The following TSGA10 variants were observed in gnomAD, a reference collection of about 807,000 sequenced individuals.
TSGA10 encodes testis specific 10, also known as testis-specific gene 10 protein.
TSGA10 carries 43 observed loss-of-function variants against 96.6 expected under a neutral mutation model. The ratio of observed to expected loss-of-function variants is 0.44; its 90% CI spans 0.35 to 0.57. TSGA10 has a LOEUF of 0.57. TSGA10 is among the 20% of genes least tolerant of loss of function. TSGA10 has a pLI of 0.01. For synonymous variants in TSGA10, 229 were observed against 269.9 expected (o/e 0.85, Z 1.48); for missense variants, 703 against 834.4 (o/e 0.84, Z 1.94).
rs183344987 is a variant in TSGA10 at position 99,065,036 on chromosome 2, G to C, written c.1307C>G (p.Ala436Gly). Residue 436 changes from alanine to glycine, a missense_variant, in exon 16 of 21, where the codon GCA becomes GGA. Physicochemically the swap from Ala to Gly is moderately conservative, Grantham distance 60. This residue lies in a region of TSGA10 where 585 missense variants were observed against 656.8 expected (regional missense o/e 0.89). Coordinates refer to ENST00000393483, the MANE Select transcript of TSGA10 (RefSeq NM_025244.4). ...NWENKARQSE[A>G]DNNTLKLELI... ...TTCCAGTTTGAGGGTATTGTTATCT[G>C]CCTCTGATTGACGGGCTTTATTTTC... 1.8e-4 allele frequency: 291 copies of C among 1,613,920 alleles called. 1 individual carries two copies. In the East Asian group the frequency reaches 6.4e-3, roughly 36 times the overall value.
intron 10 of TSGA10, among the ~76,000 whole-genome samples, chr2:99,095,182 G>T (rs1217850717): frequency 6.6e-6 from 1 of 152,184 alleles, no homozygotes; most frequent in Non-Finnish European, 1.5e-5. Flanking sequence ...TCACTCATAA[G>T]TGGGAGCTAA....
At position 99,071,709 on chromosome 2, in the gene TSGA10, G is replaced by C; in HGVS notation, c.1104C>G (p.Asn368Lys). The C allele has an allele frequency of 6.2e-7, 1 of 1,609,552 alleles. No individual in the cohort carries two copies. The highest frequency in any genetic ancestry group is 1.1e-5 in the South Asian group (1 of 90,040). The change falls in exon 14 of 21, where the codon AAC becomes AAG. Residue 368 changes from asparagine to lysine, a missense_variant. By Grantham distance (94) the Asn-to-Lys change is moderately conservative. Around this residue, in one of 3 missense-constraint regions of TSGA10, gnomAD observed 585 missense variants for 656.8 expected, o/e 0.89. Coordinates refer to ENST00000393483, the MANE Select transcript of TSGA10 (RefSeq NM_025244.4). ...QEQFAKAKQE[N>K]QALSKKLNDT... Reference sequence around the variant, plus strand: ...ATGATTCTAGGAACAAGTGTACCTGGTTTTCTTGTTTAGCTTTAGCAAACT... The same window carrying C: ...ATGATTCTAGGAACAAGTGTACCTGCTTTTCTTGTTTAGCTTTAGCAAACT...
chr2:99,071,645 T>C, intron 14 of TSGA10, 61 bp downstream of exon 14: 1 of 1,522,036 alleles, frequency 6.6e-7, no homozygotes, highest in Non-Finnish European at 9.0e-7. Flanking sequence ...ATGAGGGCTG[T>C]TCCTCACAAG....
At chr2:99,067,822 G>A (rs1266638510) in intron 15 of TSGA10, among the ~76,000 whole-genome samples, 5 of 151,712 alleles carry the variant, frequency 3.3e-5, no homozygotes, top group Admixed American at 3.3e-4. Context: ...ACTCCAGCCT[G>A]GCAATACAGT....
intron 20 of TSGA10, among the ~76,000 whole-genome samples, chr2:99,014,158 AAAAT>A (rs1034246600): frequency 5.9e-5 from 9 of 152,030 alleles, no homozygotes; most frequent in African/African-American, 2.2e-4. Flanking sequence ...CTGTCTCAAA[AAAAT>A]AAATAAATAA....
chr2:99,012,898 A>G (rs2079123347), intron 20 of TSGA10, among the ~76,000 whole-genome samples: 1 of 152,236 alleles, frequency 6.6e-6, no homozygotes, highest in African/African-American at 2.4e-5. Flanking sequence ...AGCACATGGA[A>G]CAATCTCCAA....
At chr2:99,100,221 G>A (rs1450261343) in intron 10 of TSGA10, among the ~76,000 whole-genome samples, 5 of 152,080 alleles carry the variant, frequency 3.3e-5, no homozygotes, top group Admixed American at 1.3e-4. Context: ...GCAAAGGGCC[G>A]GCAATAGTCA....
intron 10 of TSGA10, among the ~76,000 whole-genome samples, chr2:99,103,115 C>T (rs969402777): frequency 6.7e-6 from 1 of 150,216 alleles, no homozygotes; most frequent in Non-Finnish European, 1.5e-5. Flanking sequence ...TTAAGAAAGA[C>T]CAGGCCCGGT....
intron 2 of TSGA10, chr2:99,126,556 T>G (rs150204470): frequency 1.4e-4 from 21 of 152,792 alleles, no homozygotes; most frequent in African/African-American, 4.8e-4. Flanking sequence ...GTAAGTCTAC[T>G]CTATCTTCCT....
chr2:99,078,499 T>C (rs2087025317), intron 12 of TSGA10, among the ~76,000 whole-genome samples, 160 bp downstream of exon 12: 1 of 152,204 alleles, frequency 6.6e-6, no homozygotes, highest in Admixed American at 6.5e-5. Context: ...CCTAAGACTA[T>C]CTTAAAATAT....
chr2:99,150,457 C>T, intron 1 of TSGA10: 1 of 1,284,010 alleles, frequency 7.8e-7, no homozygotes, highest in Non-Finnish European at 1.1e-6. Flanking sequence ...GCTGCATTCA[C>T]TTGTTACTTT....
At chr2:99,103,933 A>C in intron 10 of TSGA10, 34 bp downstream of exon 10, 1 of 1,607,472 alleles carries the variant, frequency 6.2e-7, no homozygotes, top group African/African-American at 1.3e-5. Context: ...TAGTTATAGT[A>C]AACTGTTGGT....
chr2:99,102,621 T>A, intron 10 of TSGA10: 4 of 1,614,142 alleles, frequency 2.5e-6, no homozygotes, highest in Non-Finnish European at 3.4e-6. Flanking sequence ...TACAACTACT[T>A]TTAGGCCTGA....
intron 17 of TSGA10, among the ~76,000 whole-genome samples, chr2:99,032,824 T>C (rs1418124821): frequency 1.3e-5 from 2 of 152,188 alleles, no homozygotes; most frequent in African/African-American, 4.8e-5. Context: ...ACAGAGGATA[T>C]TGTGAGACAA....
At chr2:99,103,831 A>C in intron 10 of TSGA10, 136 bp downstream of exon 10, 1 of 1,014,112 alleles carries the variant, frequency 9.9e-7, no homozygotes, top group Non-Finnish European at 1.4e-6. Context: ...CTGTGTGCCA[A>C]GGGTTCCTAC....
chr2:99,110,140 G>A (rs997773240), intron 5 of TSGA10, among the ~76,000 whole-genome samples: 2 of 152,146 alleles, frequency 1.3e-5, no homozygotes, highest in Admixed American at 1.3e-4. Context: ...ACTCCAGCCT[G>A]GGCAACAAAG....
intron 20 of TSGA10, among the ~76,000 whole-genome samples, chr2:99,004,899 TACTC>T (rs2078320449): frequency 6.6e-6 from 1 of 152,296 alleles, no homozygotes; most frequent in East Asian, 1.9e-4. Flanking sequence ...CTCAATAAAA[TACTC>T]ACAAACCAAA....
intron 10 of TSGA10, among the ~76,000 whole-genome samples, chr2:99,103,082 A>T (rs998718174): frequency 3.0e-4 from 14 of 47,028 alleles, no homozygotes; most frequent in African/African-American, 6.8e-4. Flanking sequence ...TTTTATGACT[A>T]AAAAAAAAAA....
intron 10 of TSGA10, among the ~76,000 whole-genome samples, chr2:99,099,205 G>C (rs984190857): frequency 2.0e-5 from 3 of 152,152 alleles, no homozygotes; most frequent in Non-Finnish European, 4.4e-5. Flanking sequence ...CCAGCTGCTC[G>C]GGAGGCTGAG....
Sources: gnomAD v4.1 joint callset for allele counts (sites outside exome capture counted in the v4.1 genomes callset) on GRCh38, gnomAD v4.1.1 for gene constraint, gnomAD v4.1.1 regional missense constraint, MANE v1.5 for transcripts, NCBI Gene and HGNC (gene_info 2026-07-23, HGNC 2026-07-21) for gene names.